The following TMEM101 variants were observed in gnomAD, a reference collection of about 807,000 sequenced individuals.
TMEM101 encodes putative NF-kappa-B-activating protein 130.
TMEM101 carries 14 observed loss-of-function variants against 26.0 expected under a neutral mutation model. That is an observed-to-expected ratio of 0.54 (90% CI 0.36 to 0.84). TMEM101 has a LOEUF of 0.84. TMEM101 is among the 40% of genes least tolerant of loss of function. TMEM101 has a pLI of 0.01. For missense variants in TMEM101, 292 were observed against 345.1 expected (o/e 0.85, Z 1.22); for synonymous variants, 152 against 145.1 (o/e 1.05, Z -0.34).
In TMEM101 at chr17:44,014,372, G is replaced by A; in HGVS notation, c.303C>T (p.Tyr101=). 6.4e-7 allele frequency: 1 copy of A among 1,552,846 alleles called. No homozygotes were observed. The highest frequency in any genetic ancestry group is 8.7e-7 in the Non-Finnish European group (1 of 1,147,502). The change falls in exon 2 of 4, where the codon TAC becomes TAT. Residue 101 remains tyrosine, a synonymous_variant. Coordinates refer to ENST00000206380, the MANE Select transcript of TMEM101 (RefSeq NM_032376.4). ...AGGCGCTCACCTTCAGCCAGTCCCC[G>A]TAGTGGACGTAGCCCCCGATGTAGG... ...YAAYIGGYVH[Y]GDWLKVRMYS...
upstream of TMEM101, among the ~76,000 whole-genome samples, chr17:44,017,934 A>G (rs1597873215): frequency 6.6e-6 from 1 of 152,102 alleles, no homozygotes; most frequent in East Asian, 1.9e-4. Flanking sequence ...GAAGTTCGAG[A>G]CCAGCCTGGC....
intron 1 of TMEM101, 104 bp downstream of exon 1, chr17:44,014,712 A>G: frequency 1.3e-6 from 2 of 1,507,094 alleles, no homozygotes; most frequent in Non-Finnish European, 1.8e-6. Context: ...CCTCCCAGGG[A>G]GGTCCCAATT....
At chr17:44,020,420 G>C (rs952008341) in intron 2 of TMEM101, among the ~76,000 whole-genome samples, 1 of 152,146 alleles carries the variant, frequency 6.6e-6, no homozygotes, top group Non-Finnish European at 1.5e-5. Flanking sequence ...GTCCAGGTTG[G>C]ATTTCAAGTG....
Position 44,014,840 on chromosome 17 carries a change from T to A in TMEM101, c.113A>T (p.Tyr38Phe). The change falls in exon 1 of 4, where the codon TAC becomes TTC. Residue 38 changes from tyrosine to phenylalanine, a missense_variant. Transcript: ENST00000206380. ...FWGCFSQLML[Y>F]AERAEARRKP... is the part of the protein sequence containing the mutation. Reference sequence around the variant, plus strand: ...CCGGCGTGCCTCAGCCCTCTCAGCGTACAGCATGAGCTGGCTGAAGCAGCC... The same window carrying A: ...CCGGCGTGCCTCAGCCCTCTCAGCGAACAGCATGAGCTGGCTGAAGCAGCC... 3 of 1,608,976 alleles carry A rather than the reference T, an allele frequency of 1.9e-6. No individual in the cohort carries two copies. Among genetic ancestry groups the A allele is most frequent in the Non-Finnish European group, 2.5e-6 (3 of 1,177,096 alleles).
chr17:44,017,065 C>T (rs1310543848), upstream of TMEM101, among the ~76,000 whole-genome samples: 1 of 148,928 alleles, frequency 6.7e-6, no homozygotes, highest in Non-Finnish European at 1.5e-5. Context: ...GCAGGAGAAT[C>T]GCTTGAACCT....
chr17:44,015,799 AAAGT>A (rs2049224891), upstream of TMEM101, among the ~76,000 whole-genome samples: 1 of 152,140 alleles, frequency 6.6e-6, no homozygotes, highest in Non-Finnish European at 1.5e-5. Context: ...TGTTAAGATC[AAAGT>A]AAGGGGTCCT....
chr17:44,015,471 G>A (rs2049221299), upstream of TMEM101, among the ~76,000 whole-genome samples: 1 of 151,866 alleles, frequency 6.6e-6, no homozygotes, highest in South Asian at 2.1e-4. Flanking sequence ...TTGGCTCACT[G>A]TAACCTCCGC....
In TMEM101 at chr17:44,011,642, A is replaced by G; in HGVS notation, c.*286T>C. ...AGTAGCCGCATCCCAGCCCTGCCATACTCCCTTCTCAGGGACAGGAGACTC... is the reference window on the plus strand; with the variant it reads ...AGTAGCCGCATCCCAGCCCTGCCATGCTCCCTTCTCAGGGACAGGAGACTC... On this transcript the variant is annotated 3_prime_UTR_variant, in exon 4 of 4. Transcript: ENST00000206380. 2.2e-6 allele frequency: 1 copy of G among 447,366 alleles called. No homozygotes were observed. The highest frequency in any genetic ancestry group is 4.0e-6 in the Non-Finnish European group (1 of 248,998). 27.7% of individuals were successfully genotyped at this position (447,366 alleles called of 1,614,324 possible).
Position 44,014,945 on chromosome 17 carries a change from G to T in TMEM101, c.8C>A (p.Ser3Ter), listed in dbSNP as rs777450191. Residue 3 changes from serine to a stop codon, truncating the protein, a stop_gained, in exon 1 of 4, where the codon TCG (serine) becomes TAG (stop). Transcript: ENST00000206380. LOFTEE classifies it high-confidence loss of function. MA[S>*]KIGSRRWMLQ... Reference sequence around the variant, plus strand: ...CATCCACCGTCTCGAACCTATCTTCGACGCCATCTTGGGAAAGGGCAGTCC... The same window carrying T: ...CATCCACCGTCTCGAACCTATCTTCTACGCCATCTTGGGAAAGGGCAGTCC... The T allele has an allele frequency of 3.7e-6, 6 of 1,611,446 alleles. No homozygotes were observed. The East Asian group carries it at 1.1e-4, about 30-fold the overall frequency.
At chr17:44,019,529 G>A (rs75138617), upstream of TMEM101, 1 of 169,096 alleles carries the variant, frequency 5.9e-6, no homozygotes, top group East Asian at 1.8e-4. Flanking sequence ...TTGTTTTTGC[G>A]ATTGTCTGTT....
chr17:44,018,549 T>G (rs938421386), upstream of TMEM101, among the ~76,000 whole-genome samples: 3 of 152,206 alleles, frequency 2.0e-5, no homozygotes, highest in African/African-American at 7.2e-5. Flanking sequence ...ACTTTCCAGT[T>G]GGTTTTATTT....
intron 1 of TMEM101, among the ~76,000 whole-genome samples, chr17:44,022,641 G>A (rs1424947290): frequency 2.6e-5 from 4 of 152,118 alleles, no homozygotes; most frequent in Non-Finnish European, 5.9e-5. Flanking sequence ...ACGCACAAAG[G>A]TTCAAATTGC....
upstream of TMEM101, chr17:44,019,286 TG>T: frequency 2.4e-6 from 1 of 417,392 alleles, no homozygotes; most frequent in South Asian, 1.8e-5. Flanking sequence ...AGCAACAGCC[TG>T]GGCTCGAGAG....
chr17:44,018,314 G>C (rs1229549207), upstream of TMEM101, among the ~76,000 whole-genome samples: 1 of 152,092 alleles, frequency 6.6e-6, no homozygotes, highest in Non-Finnish European at 1.5e-5. Flanking sequence ...GACAAAGCAA[G>C]ACCCCCATCT....
At chr17:44,013,227 A>AGAGGGGTGGTTCTAC in intron 2 of TMEM101, 72 bp from the exon 3 acceptor site, 1 of 1,388,634 alleles carries the variant, frequency 7.2e-7, no homozygotes, top group Non-Finnish European at 9.4e-7. Flanking sequence ...CAGAGTGTAG[A>AGAGGGGTGGTTCTAC]ACCACCCCTC....
At position 44,013,040 on chromosome 17, in the gene TMEM101, T is replaced by C. The variant is rs1267931631; in HGVS notation, c.434A>G (p.Gln145Arg). ...GATGAGGTAGATACCCAGGAACACC[T>C]GGCCGGTGGACTGCAGGGAGCGGCT... ...PRSRSLQSTG[Q>R]VFLGIYLICV... Residue 145 changes from glutamine (Q) to arginine (R), a missense_variant, in exon 3 of 4, where the codon CAG becomes CGG. Transcript: ENST00000206380. 1.2e-6 allele frequency: 2 copies of C among 1,607,244 alleles called. No individual in the cohort carries two copies. Among genetic ancestry groups the C allele is most frequent in the South Asian group, 2.2e-5 (2 of 90,700 alleles).
intron 2 of TMEM101, among the ~76,000 whole-genome samples, chr17:44,013,626 T>A (rs1451474598): frequency 1.3e-5 from 2 of 152,144 alleles, no homozygotes; most frequent in African/African-American, 4.8e-5. Context: ...GTCACTGCAC[T>A]CCAGCCTGGG....
chr17:44,018,389 T>C (rs2049254269), upstream of TMEM101, among the ~76,000 whole-genome samples: 1 of 152,216 alleles, frequency 6.6e-6, no homozygotes, highest in Admixed American at 6.5e-5. Context: ...TGAGATTGTA[T>C]ACGTGTATGT....
chr17:44,014,740 C>T, intron 1 of TMEM101, 76 bp downstream of exon 1: 1 of 1,514,872 alleles, frequency 6.6e-7, no homozygotes, highest in Non-Finnish European at 8.8e-7. Context: ...GTTCAAGGGT[C>T]CCGACTTCTA....
Sources: gnomAD v4.1 joint callset for allele counts (sites outside exome capture counted in the v4.1 genomes callset) on GRCh38, gnomAD v4.1.1 for gene constraint, MANE v1.5 for transcripts, NCBI Gene and HGNC (gene_info 2026-07-23, HGNC 2026-07-21) for gene names.